PLCB4: variants seen among roughly 807,000 people sequenced by gnomAD.
PLCB4 encodes the protein phospholipase C beta 4.
PLCB4 carries 77 observed loss-of-function variants against 178.8 expected under a neutral mutation model. That is an observed-to-expected ratio of 0.43 (90% CI 0.36 to 0.52). The LOEUF (loss-of-function observed/expected upper bound fraction) is 0.52. PLCB4 is among the 20% of genes least tolerant of loss of function. The pLI, the probability that PLCB4 is intolerant of heterozygous loss-of-function variation, is 0.00. For missense variants in PLCB4, 1,024 were observed against 1,453.4 expected (o/e 0.70, Z 4.80); for synonymous variants, 496 against 490.8 (o/e 1.01, Z -0.14).
intron 3 of PLCB4, among the ~76,000 whole-genome samples, chr20:9,244,517 C>A (rs6039424): frequency 6.6e-6 from 1 of 151,640 alleles, no homozygotes; most frequent in Admixed American, 6.6e-5. Flanking sequence ...CTGCAGGGAA[C>A]AAAAAAAAGG....
At chr20:9,346,225 A>C (rs1386858036) in intron 7 of PLCB4, among the ~76,000 whole-genome samples, 1 of 152,170 alleles carries the variant, frequency 6.6e-6, no homozygotes, top group Non-Finnish European at 1.5e-5. Context: ...GCCCTGCCCC[A>C]CCCTACTGAA....
Position 9,081,768 on chromosome 20 carries a change from C to CAAA in PLCB4, c.-135+12575_-135+12577dup, listed in dbSNP as rs10629831. Reference sequence around the variant, plus strand: ...TTAGGAAAACAATCTGATGATTAAGCAAAAAAAAAAAAAAAGCCAAAGTTT... The same window carrying CAAA: ...TTAGGAAAACAATCTGATGATTAAGCAAAAAAAAAAAAAAAAAAGCCAAAGTTT... On this transcript the variant is annotated intron_variant, in intron 1 of 39. Coordinates refer to ENST00000378473, the MANE Select transcript of PLCB4 (RefSeq NM_001377142.1). Among the ~76,000 whole-genome samples, 11 of 90,470 alleles carry CAAA rather than the reference C, an allele frequency of 1.2e-4. 5 individuals carry two copies. Among genetic ancestry groups the CAAA allele is most frequent in the Admixed American group, 2.8e-4 (2 of 7,254 alleles). The allele number at this position is 90,470 out of a possible 152,430, so 59.4% of individuals were successfully genotyped here.
intron 4 of PLCB4, among the ~76,000 whole-genome samples, chr20:9,318,819 G>A (rs1056726338): frequency 5.3e-5 from 8 of 152,214 alleles, no homozygotes; most frequent in African/African-American, 1.9e-4. Flanking sequence ...AAGTACTACT[G>A]TACTATGCTA....
At chr20:9,117,664 C>A (rs1417597736) in intron 2 of PLCB4, among the ~76,000 whole-genome samples, 1 of 152,208 alleles carries the variant, frequency 6.6e-6, no homozygotes, top group Non-Finnish European at 1.5e-5. Context: ...TTTCTTCTAA[C>A]CTGCTCTGCT....
Position 9,412,102 on chromosome 20 carries a change from A to G in PLCB4, c.2051+1014A>G, listed in dbSNP as rs549724763. Among the ~76,000 whole-genome samples the G allele has an allele frequency of 3.3e-5, 5 of 152,342 alleles. No individual in the cohort carries two copies. In the East Asian group the frequency reaches 9.6e-4, roughly 29 times the overall value. The stretch of plus-strand genomic sequence containing the variant: ...CACTTACATACCTGGAGCATGCCCT[A>G]CATTTTCCTCTGCTGTGTGCTTTGG... On this transcript the variant is annotated intron_variant, in intron 25 of 39. Transcript: ENST00000378473.
At chr20:9,250,459 A>T (rs1299097377) in intron 3 of PLCB4, among the ~76,000 whole-genome samples, 3 of 152,218 alleles carry the variant, frequency 2.0e-5, no homozygotes, top group Non-Finnish European at 4.4e-5. Flanking sequence ...ATTTCCCCCA[A>T]GTATTACCTT....
chr20:9,269,627 C>T lies in PLCB4; in HGVS notation c.-15-38173C>T, dbSNP rs6118552. On this transcript the variant is annotated intron_variant, in intron 3 of 39. Coordinates refer to ENST00000378473, the MANE Select transcript of PLCB4 (RefSeq NM_001377142.1). ...AATAATTCTGTCATAGAAAGATCCA[C>T]GACAGGGAACATTTTATAAATAAAC... Among the ~76,000 whole-genome samples the T allele has an allele frequency of 6.3e-3, 966 of 152,172 alleles. 9 individuals carry two copies. The highest frequency in any genetic ancestry group is 0.022 in the African/African-American group (922 of 41,534).
intron 36 of PLCB4, among the ~76,000 whole-genome samples, chr20:9,472,177 A>G (rs1461907006): frequency 1.3e-5 from 2 of 152,178 alleles, no homozygotes; most frequent in African/African-American, 2.4e-5. Context: ...ATGTTACTCT[A>G]TGGGTACATT....
At chr20:9,127,351 A>G (rs1420574960) in intron 2 of PLCB4, among the ~76,000 whole-genome samples, 2 of 152,172 alleles carry the variant, frequency 1.3e-5, no homozygotes, top group African/African-American at 4.8e-5. Flanking sequence ...TCATCCTGAA[A>G]GCCACCTCTG....
intron 3 of PLCB4, among the ~76,000 whole-genome samples, chr20:9,255,393 A>G (rs986159950): frequency 9.2e-5 from 14 of 152,168 alleles, no homozygotes; most frequent in African/African-American, 3.4e-4. Context: ...TTTAGACATT[A>G]AAGAACTAGC....
At chr20:9,374,445 T>C (rs1298892805) in intron 12 of PLCB4, among the ~76,000 whole-genome samples, 1 of 152,216 alleles carries the variant, frequency 6.6e-6, no homozygotes, top group Non-Finnish European at 1.5e-5. Context: ...TTCTGCCTTT[T>C]GTTTTTTGGT....
At chr20:9,470,532 C>T (rs757669586) in intron 36 of PLCB4, among the ~76,000 whole-genome samples, 3 of 152,084 alleles carry the variant, frequency 2.0e-5, no homozygotes, top group Admixed American at 2.0e-4. Flanking sequence ...GACAAATGTG[C>T]CAATTAATAG....
intron 2 of PLCB4, among the ~76,000 whole-genome samples, chr20:9,136,508 C>T (rs1177113444): frequency 6.6e-6 from 1 of 152,016 alleles, no homozygotes; most frequent in African/African-American, 2.4e-5. Context: ...GGGGCTTTTC[C>T]TGGAAGCCTT....
chr20:9,261,827 C>T (rs1317154035), intron 3 of PLCB4, among the ~76,000 whole-genome samples: 1 of 152,090 alleles, frequency 6.6e-6, no homozygotes, highest in Non-Finnish European at 1.5e-5. Flanking sequence ...TCGATACTCT[C>T]CAATAAGTGA....
At chr20:9,421,721 G>C (rs2040652971) in intron 27 of PLCB4, among the ~76,000 whole-genome samples, 1 of 152,136 alleles carries the variant, frequency 6.6e-6, no homozygotes, top group Admixed American at 6.5e-5. Context: ...CTTTTAGAAT[G>C]AGTCCTTGCT....
At chr20:9,321,273 C>T (rs886353391) in intron 4 of PLCB4, among the ~76,000 whole-genome samples, 4 of 152,144 alleles carry the variant, frequency 2.6e-5, no homozygotes, top group African/African-American at 7.2e-5. Context: ...ACATGTAGTA[C>T]GTGATGGAGC....
At chr20:9,134,912 A>AT (rs914067372) in intron 2 of PLCB4, among the ~76,000 whole-genome samples, 9 of 151,924 alleles carry the variant, frequency 5.9e-5, no homozygotes, top group African/African-American at 1.9e-4. Context: ...TCAAGCACCA[A>AT]TTTTTTTTAA....
rs1600452795 is a variant in PLCB4 at position 9,107,432 on chromosome 20, G to A, written c.-79+11090G>A. Among the ~76,000 whole-genome samples the A allele has an allele frequency of 5.3e-5, 8 of 152,262 alleles. 1 individual carries two copies. Reference sequence around the variant, plus strand: ...CATTTTAGAAAAGATTAACAGGGAAGCCTACCCACCCCGGCCTGAGATGGT... The same window carrying A: ...CATTTTAGAAAAGATTAACAGGGAAACCTACCCACCCCGGCCTGAGATGGT... On this transcript the variant is annotated intron_variant, in intron 2 of 39. Coordinates refer to ENST00000378473, the MANE Select transcript of PLCB4 (RefSeq NM_001377142.1).
At chr20:9,159,738 T>A (rs1243791277) in intron 2 of PLCB4, among the ~76,000 whole-genome samples, 4 of 152,184 alleles carry the variant, frequency 2.6e-5, no homozygotes, top group Non-Finnish European at 5.9e-5. Context: ...TTGATGAAAG[T>A]TTTTACAGAC....
Sources: gnomAD v4.1 joint callset for allele counts (sites outside exome capture counted in the v4.1 genomes callset) on GRCh38, gnomAD v4.1.1 for gene constraint, MANE v1.5 for transcripts, NCBI Gene and HGNC (gene_info 2026-07-23, HGNC 2026-07-21) for gene names.